The following CD96 variants were observed in gnomAD, a reference collection of about 807,000 sequenced individuals.
CD96 encodes the protein CD96 molecule, also known as T-cell surface protein tactile.
Under a neutral mutation model 71.3 loss-of-function variants are expected in CD96, and 70 were observed. The observed-to-expected ratio is 0.98, with a 90% CI of 0.81 to 1.20. CD96 has a LOEUF of 1.20. Among genes scored for constraint, CD96 ranks in the 50% most tolerant of loss-of-function variants. The probability of loss-of-function intolerance (pLI) is 0.00; values close to 1 mark genes in which losing one functional copy is unlikely to be tolerated. For synonymous variants in CD96, 248 were observed against 233.0 expected (o/e 1.06, Z -0.59); for missense variants, 742 against 677.5 (o/e 1.10, Z -1.06).
At chr3:111,657,091 G>A (rs1024576549), downstream of CD96, among the ~76,000 whole-genome samples, 1 of 151,868 alleles carries the variant, frequency 6.6e-6, no homozygotes, top group African/African-American at 2.4e-5. Flanking sequence ...AGAGAAAAAA[G>A]AAAGAAAAAA....
intron 6 of CD96, among the ~76,000 whole-genome samples, chr3:111,598,621 C>G (rs1937360731): frequency 6.6e-6 from 1 of 152,186 alleles, no homozygotes; most frequent in South Asian, 2.1e-4. Context: ...TGCTTTAAAT[C>G]AGCCAATAAA....
At chr3:111,561,941 C>T (rs1376714147) in intron 2 of CD96, among the ~76,000 whole-genome samples, 2 of 151,342 alleles carry the variant, frequency 1.3e-5, no homozygotes, top group East Asian at 1.9e-4. Context: ...GTCTGAAAAG[C>T]GCAATATTCG....
At chr3:111,555,579 G>A (rs956777369) in intron 2 of CD96, among the ~76,000 whole-genome samples, 7 of 152,296 alleles carry the variant, frequency 4.6e-5, no homozygotes, top group Non-Finnish European at 8.8e-5. Context: ...TTATTAGTCT[G>A]CTGAATGGGA....
chr3:111,567,478 AC>A (rs1222607774), intron 2 of CD96, 44 bp from the exon 3 acceptor site: 3 of 1,564,978 alleles, frequency 1.9e-6, no homozygotes, highest in Non-Finnish European at 2.6e-6. Context: ...CACTTTACAA[AC>A]CAATCAGAGA....
intron 7 of CD96, among the ~76,000 whole-genome samples, chr3:111,604,575 C>A (rs1937571972): frequency 6.6e-6 from 1 of 152,200 alleles, no homozygotes; most frequent in Admixed American, 6.5e-5. Context: ...AAATGCACAT[C>A]TTACAATAAT....
chr3:111,544,065 TTA>T (rs1339940731), intron 1 of CD96, among the ~76,000 whole-genome samples: 1 of 152,204 alleles, frequency 6.6e-6, no homozygotes, highest in African/African-American at 2.4e-5. Context: ...ACTGTTATAC[TTA>T]TGAGGGTTAT....
Position 111,651,820 on chromosome 3 carries a change from T to A in CD96, c.*2014T>A, listed in dbSNP as rs1487315690. 1 of 150,210 alleles carries A rather than the reference T, an allele frequency of 6.7e-6. No individual in the cohort carries two copies. Among genetic ancestry groups the A allele is most frequent in the Non-Finnish European group, 1.5e-5 (1 of 67,908 alleles). The allele number at this position is 150,210 out of a possible 1,614,324, so 9.3% of individuals were successfully genotyped here. A position where few individuals can be genotyped will look rare whatever the true frequency, so the allele number is the denominator to read the frequency against. On this transcript the variant is annotated 3_prime_UTR_variant, in exon 14 of 14. Coordinates refer to ENST00000352690, the MANE Select transcript of CD96 (RefSeq NM_005816.5). ...GGGTGGGAACCCGGGAGGCAGAGCT[T>A]GCAGTGAGCCGAGATTGTGCCACTG...
chr3:111,547,741 T>C (rs1934486213), intron 2 of CD96, among the ~76,000 whole-genome samples: 1 of 152,188 alleles, frequency 6.6e-6, no homozygotes, highest in Non-Finnish European at 1.5e-5. Context: ...GTCTTCTGAA[T>C]GTAACTTTGC....
At chr3:111,568,619 TTGTC>T (rs1935832827) in intron 3 of CD96, among the ~76,000 whole-genome samples, 1 of 152,224 alleles carries the variant, frequency 6.6e-6, no homozygotes, top group Admixed American at 6.5e-5. Flanking sequence ...GTTATCTACT[TTGTC>T]TGCCTTTGTT....
At chr3:111,550,883 T>C (rs1022532514) in intron 2 of CD96, among the ~76,000 whole-genome samples, 6 of 152,142 alleles carry the variant, frequency 3.9e-5, no homozygotes, top group Non-Finnish European at 7.4e-5. Context: ...CACAAGGCTT[T>C]CTCCAGCAGT....
At chr3:111,571,221 T>TTTTTGG (rs1491158450) in intron 3 of CD96, among the ~76,000 whole-genome samples, 2 of 6,888 alleles carry the variant, frequency 2.9e-4, no homozygotes, top group African/African-American at 9.6e-4. Flanking sequence ...TGGTTTTTGG[T>TTTTTGG]TTTTTTTTTT....
chr3:111,658,333 A>G (rs971292993), intron 14 of CD96, among the ~76,000 whole-genome samples: 2 of 152,210 alleles, frequency 1.3e-5, no homozygotes, highest in African/African-American at 4.8e-5. Context: ...ATAGCTATAT[A>G]GATAGGTAGA....
intron 7 of CD96, among the ~76,000 whole-genome samples, chr3:111,603,313 G>T (rs541773870): frequency 6.6e-6 from 1 of 151,952 alleles, no homozygotes; most frequent in Non-Finnish European, 1.5e-5. Flanking sequence ...GCATGGTGGC[G>T]CACATCATTA....
intron 5 of CD96, 26 bp from the exon 6 acceptor site, chr3:111,598,091 AAAT>A (rs750879316): frequency 1.0e-5 from 10 of 990,530 alleles, no homozygotes; most frequent in Non-Finnish European, 1.6e-5. Flanking sequence ...AGGAATTTGC[AAAT>A]AATCCTTTTT....
At chr3:111,616,968 C>T (rs1421255980) in intron 8 of CD96, among the ~76,000 whole-genome samples, 2 of 152,222 alleles carry the variant, frequency 1.3e-5, no homozygotes, top group Non-Finnish European at 2.9e-5. Flanking sequence ...ACTCTTCCCA[C>T]TCCCAGCACC....
chr3:111,621,603 G>A (rs1268086348), intron 8 of CD96, among the ~76,000 whole-genome samples: 1 of 152,190 alleles, frequency 6.6e-6, no homozygotes, highest in Non-Finnish European at 1.5e-5. Context: ...TCTTCTTAAT[G>A]ACAGAAATAA....
At chr3:111,587,759 C>T (rs1201555473) in intron 5 of CD96, among the ~76,000 whole-genome samples, 2 of 152,340 alleles carry the variant, frequency 1.3e-5, no homozygotes, top group East Asian at 1.9e-4. Context: ...TGTGCACCTA[C>T]AGGCTGAACA....
chr3:111,562,198 C>T lies in CD96; in HGVS notation c.419-5325C>T, dbSNP rs535316377. Among the ~76,000 whole-genome samples, 4 of 152,266 alleles carry T rather than the reference C, an allele frequency of 2.6e-5. No homozygotes were observed. The East Asian group carries it at 5.8e-4, about 22-fold the overall frequency. On this transcript the variant is annotated intron_variant, in intron 2 of 13. Coordinates refer to ENST00000352690, the MANE Select transcript of CD96 (RefSeq NM_005816.5). ...GTCGCTCACGTTGGGAGCTGTAGAC[C>T]GGAGCTGTTCCTATTCGGCCATCTT...
chr3:111,582,796 G>T (rs1157161335), intron 4 of CD96, among the ~76,000 whole-genome samples: 5 of 152,164 alleles, frequency 3.3e-5, no homozygotes, highest in Non-Finnish European at 7.4e-5. Context: ...GCATGGTAAA[G>T]ACCAGCCCTC....
Sources: allele counts gnomAD v4.1 joint callset (sites outside exome capture counted in the v4.1 genomes callset), GRCh38; gene constraint gnomAD v4.1.1; transcripts MANE v1.5; gene names NCBI Gene and HGNC (gene_info 2026-07-23, HGNC 2026-07-21).